XIRP2: variants seen among roughly 807,000 people sequenced by gnomAD.
The protein encoded by XIRP2 is xin actin binding repeat containing 2.
Under a neutral mutation model 277.0 loss-of-function variants are expected in XIRP2, and 236 were observed. That is an observed-to-expected ratio of 0.85 (90% CI 0.77 to 0.95). XIRP2 has a LOEUF of 0.95. Among genes scored for constraint, XIRP2 ranks in the 40% least tolerant of loss-of-function variants. The probability of loss-of-function intolerance (pLI) is 0.00; values close to 1 mark genes in which losing one functional copy is unlikely to be tolerated. For missense variants in XIRP2, 4,640 were observed against 4,157.5 expected (o/e 1.12, Z -3.19); for synonymous variants, 1,490 against 1,416.5 (o/e 1.05, Z -1.17).
chr2:166,925,874 A>C (rs1574083740), intron 2 of XIRP2, among the ~76,000 whole-genome samples: 1 of 151,840 alleles, frequency 6.6e-6, no homozygotes, highest in East Asian at 1.9e-4. Context: ...GTTCTAGTCC[A>C]GTTTGGGCAA....
chr2:167,017,829 T>A (rs1307941985), intron 2 of XIRP2, among the ~76,000 whole-genome samples: 1 of 152,006 alleles, frequency 6.6e-6, no homozygotes, highest in Non-Finnish European at 1.5e-5. Context: ...AGTACCAACA[T>A]CTTCGGGAAC....
intron 3 of XIRP2, among the ~76,000 whole-genome samples, chr2:167,160,012 A>G (rs1692314860): frequency 6.6e-6 from 1 of 152,198 alleles, no homozygotes; most frequent in Non-Finnish European, 1.5e-5. Flanking sequence ...GCTTGGTAGG[A>G]GATTATTAAA....
Position 167,258,159 on chromosome 2 carries a change from T to C in XIRP2, c.*342T>C, listed in dbSNP as rs1175449496. On this transcript the variant is annotated 3_prime_UTR_variant, in exon 11 of 11. Transcript: ENST00000409195. ...GGGGAAAGGGGAAAATTAAAAGTCA[T>C]TTGGCCTCCTTCCAAGGAGATCCCT... 1 of 1,613,088 alleles carries C rather than the reference T, an allele frequency of 6.2e-7. No individual in the cohort carries two copies. The highest frequency in any genetic ancestry group is 8.5e-7 in the Non-Finnish European group (1 of 1,179,558).
intron 2 of XIRP2, among the ~76,000 whole-genome samples, chr2:166,976,139 C>T (rs374907964): frequency 2.0e-5 from 3 of 151,966 alleles, no homozygotes; most frequent in African/African-American, 4.8e-5. Context: ...TATCCAGGTA[C>T]CCCCAGTCCT....
At chr2:167,105,324 AC>A (rs1690590188) in intron 2 of XIRP2, among the ~76,000 whole-genome samples, 1 of 151,706 alleles carries the variant, frequency 6.6e-6, no homozygotes, top group Non-Finnish European at 1.5e-5. Flanking sequence ...CAGCACCACC[AC>A]CTTTTTTACC....
intron 2 of XIRP2, among the ~76,000 whole-genome samples, chr2:167,095,611 T>G (rs1240761628): frequency 1.3e-5 from 2 of 152,146 alleles, no homozygotes; most frequent in Non-Finnish European, 2.9e-5. Context: ...TGTGATGGAT[T>G]ATGTTTATTG....
chr2:167,105,628 C>G (rs1690597366), intron 2 of XIRP2, among the ~76,000 whole-genome samples: 2 of 151,800 alleles, frequency 1.3e-5, no homozygotes, highest in Admixed American at 1.3e-4. Flanking sequence ...TATTCATACA[C>G]AGGTTCTTGT....
intron 2 of XIRP2, among the ~76,000 whole-genome samples, chr2:166,939,596 C>T (rs1317357383): frequency 1.4e-5 from 2 of 143,444 alleles, no homozygotes; most frequent in African/African-American, 2.6e-5. Context: ...AGGAGAATGG[C>T]GTGAACCCAG....
At chr2:166,890,303 AT>A (rs1249079350) in intron 1 of XIRP2, among the ~76,000 whole-genome samples, 3 of 151,850 alleles carry the variant, frequency 2.0e-5, no homozygotes, top group East Asian at 3.9e-4. Context: ...CCTAAGTTTT[AT>A]TTTTTAACTG....
intron 2 of XIRP2, among the ~76,000 whole-genome samples, chr2:166,934,993 T>C (rs1685453174): frequency 6.6e-6 from 1 of 151,770 alleles, no homozygotes; most frequent in Non-Finnish European, 1.5e-5. Flanking sequence ...ATTGTGCCAG[T>C]GCTCTCCAGC....
chr2:166,947,238 C>A (rs1291522966), intron 2 of XIRP2, among the ~76,000 whole-genome samples: 3 of 152,160 alleles, frequency 2.0e-5, no homozygotes, highest in African/African-American at 7.2e-5. Flanking sequence ...AGTACCTTTA[C>A]AACAGGAGTT....
chr2:166,892,826 T>TATAA (rs1553467796), intron 1 of XIRP2, among the ~76,000 whole-genome samples: 7 of 148,650 alleles, frequency 4.7e-5, no homozygotes, highest in African/African-American at 1.2e-4. Context: ...TATATATATA[T>TATAA]AACTTCTATG....
At position 167,247,610 on chromosome 2, in the gene XIRP2, A is replaced by G. The variant is rs377119314; in HGVS notation, c.6218A>G (p.His2073Arg). 12 of 1,613,632 alleles carry G rather than the reference A, an allele frequency of 7.4e-6. No individual in the cohort carries two copies. Among genetic ancestry groups the G allele is most frequent in the African/African-American group, 4.0e-5 (3 of 74,904 alleles). ...TGGACTGATACTACAGGAGAACAGC[A>G]TCTTAGAGATGAATATATGAGCAGA... ...GVWTDTTGEQ[H>R]LRDEYMSRQL... The change falls in exon 9 of 11, where the codon CAT becomes CGT. Residue 2073 changes from histidine (H) to arginine (R), a missense_variant. His to Arg is a conservative substitution (Grantham distance 29). Coordinates refer to ENST00000409195, the MANE Select transcript of XIRP2 (RefSeq NM_152381.6).
At chr2:167,168,629 T>G (rs1692590788) in intron 3 of XIRP2, among the ~76,000 whole-genome samples, 2 of 152,254 alleles carry the variant, frequency 1.3e-5, no homozygotes, top group Admixed American at 6.5e-5. Flanking sequence ...TGTTTTTGTT[T>G]TTTGAGACGG....
intron 2 of XIRP2, among the ~76,000 whole-genome samples, chr2:167,024,623 A>C (rs1248576232): frequency 1.3e-5 from 2 of 152,040 alleles, no homozygotes; most frequent in Admixed American, 1.3e-4. Flanking sequence ...TTTGAGATAC[A>C]TCCCATCAAT....
At chr2:166,912,330 C>T (rs1180918977) in intron 2 of XIRP2, among the ~76,000 whole-genome samples, 1 of 152,116 alleles carries the variant, frequency 6.6e-6, no homozygotes, top group Non-Finnish European at 1.5e-5. Context: ...TTTCTCTAAA[C>T]TTCTCTTCTC....
chr2:166,977,070 T>A (rs550646417), intron 2 of XIRP2, among the ~76,000 whole-genome samples: 1 of 152,340 alleles, frequency 6.6e-6, no homozygotes, highest in East Asian at 1.9e-4. Context: ...ATTGCTCATA[T>A]GATTGTTTTC....
At chr2:166,979,475 A>G (rs771905887) in intron 2 of XIRP2, among the ~76,000 whole-genome samples, 2 of 149,952 alleles carry the variant, frequency 1.3e-5, no homozygotes, top group Non-Finnish European at 3.0e-5. Flanking sequence ...AGGAGAAAGC[A>G]TTCAATATAT....
At chr2:167,166,239 G>GT (rs1301236655) in intron 3 of XIRP2, among the ~76,000 whole-genome samples, 3 of 151,748 alleles carry the variant, frequency 2.0e-5, no homozygotes, top group African/African-American at 4.8e-5. Flanking sequence ...GCAGTATGTT[G>GT]TTTAATATCC....
Sources: allele counts gnomAD v4.1 joint callset (sites outside exome capture counted in the v4.1 genomes callset), GRCh38; gene constraint gnomAD v4.1.1; transcripts MANE v1.5; gene names NCBI Gene and HGNC (gene_info 2026-07-23, HGNC 2026-07-21).